The following KCNH7 variants were observed in gnomAD, a reference collection of about 807,000 sequenced individuals.
KCNH7 encodes voltage-gated inwardly rectifying potassium channel KCNH7.
KCNH7 carries 49 observed loss-of-function variants against 120.8 expected under a neutral mutation model. The observed-to-expected ratio is 0.41, with a 90% confidence interval of 0.32 to 0.51. KCNH7 has a LOEUF of 0.51. KCNH7 is among the 20% of genes least tolerant of loss of function. The pLI, the probability that KCNH7 is intolerant of heterozygous loss-of-function variation, is 0.38. For synonymous variants in KCNH7, 547 were observed against 516.1 expected, an observed-to-expected ratio of 1.06 and a Z score of -0.81; for missense variants, 1,097 against 1,446.6, an observed-to-expected ratio of 0.76 and a Z score of 3.92.
chr2:162,752,326 C>G (rs746547477), intron 2 of KCNH7, among the ~76,000 whole-genome samples: 1 of 152,132 alleles, frequency 6.6e-6, no homozygotes, highest in South Asian at 2.1e-4. Flanking sequence ...AGCTTTATAT[C>G]AACTACAATG....
intron 2 of KCNH7, among the ~76,000 whole-genome samples, chr2:162,614,207 T>C (rs767341188): frequency 2.4e-4 from 36 of 152,068 alleles, no homozygotes; most frequent in Non-Finnish European, 4.9e-4. Flanking sequence ...TACAAAACCA[T>C]AATTTTGCAA....
At chr2:162,583,548 G>A (rs891941305) in intron 2 of KCNH7, among the ~76,000 whole-genome samples, 2 of 151,900 alleles carry the variant, frequency 1.3e-5, no homozygotes, top group African/African-American at 4.8e-5. Context: ...TTTTAAACAA[G>A]CAAGGAAAAA....
chr2:162,609,083 T>G (rs942130851), intron 2 of KCNH7, among the ~76,000 whole-genome samples: 2 of 152,116 alleles, frequency 1.3e-5, no homozygotes, highest in Admixed American at 6.6e-5. Context: ...TTCACGCAGT[T>G]TTCAAGGTTT....
intron 2 of KCNH7, among the ~76,000 whole-genome samples, chr2:162,700,210 A>G (rs1031343408): frequency 1.3e-5 from 2 of 152,182 alleles, no homozygotes; most frequent in African/African-American, 4.8e-5. Flanking sequence ...GAGGGGGCAC[A>G]TAACCCCCCA....
At chr2:162,452,860 A>G (rs1688817053) in intron 6 of KCNH7, among the ~76,000 whole-genome samples, 1 of 152,054 alleles carries the variant, frequency 6.6e-6, no homozygotes, top group Non-Finnish European at 1.5e-5. Context: ...AAATATTTGC[A>G]TTACATATTT....
At chr2:162,733,518 T>G (rs1429742233) in intron 2 of KCNH7, among the ~76,000 whole-genome samples, 2 of 152,214 alleles carry the variant, frequency 1.3e-5, no homozygotes, top group Non-Finnish European at 2.9e-5. Context: ...AGATGGGGGA[T>G]GATCTTCTAG....
intron 6 of KCNH7, among the ~76,000 whole-genome samples, chr2:162,492,985 T>C (rs976563303): frequency 6.6e-5 from 10 of 151,098 alleles, no homozygotes; most frequent in African/African-American, 2.2e-4. Context: ...AGATAACTTC[T>C]GATGGCCTGG....
chr2:162,772,456 A>G (rs305690), intron 2 of KCNH7, among the ~76,000 whole-genome samples: 15,467 of 152,206 alleles, frequency 0.1, 939 homozygotes, highest in South Asian at 0.14. Flanking sequence ...CCCCATGACA[A>G]TAACTCTGTA....
chr2:162,647,583 C>T (rs906219185), intron 2 of KCNH7, among the ~76,000 whole-genome samples: 10 of 152,082 alleles, frequency 6.6e-5, no homozygotes, highest in Non-Finnish European at 4.4e-5. Flanking sequence ...ATACTGTTCT[C>T]GTGGTAGTAA....
chr2:162,787,447 G>A (rs1683753082), intron 2 of KCNH7, among the ~76,000 whole-genome samples: 1 of 152,076 alleles, frequency 6.6e-6, no homozygotes, highest in African/African-American at 2.4e-5. Flanking sequence ...CCCGGTGCCA[G>A]GCCAGCCTCT....
intron 2 of KCNH7, among the ~76,000 whole-genome samples, chr2:162,804,557 T>A (rs924923770): frequency 1.3e-5 from 2 of 151,960 alleles, no homozygotes; most frequent in African/African-American, 4.8e-5. Context: ...GAAAGATCTG[T>A]ACAAGTAGAA....
chr2:162,829,738 GT>G (rs1179633359), intron 2 of KCNH7, among the ~76,000 whole-genome samples: 1 of 150,002 alleles, frequency 6.7e-6, no homozygotes, highest in Non-Finnish European at 1.5e-5. Context: ...TAAAATTATG[GT>G]AAAAATTGTT....
chr2:162,625,486 G>A (rs905947908), intron 2 of KCNH7, among the ~76,000 whole-genome samples: 3 of 152,142 alleles, frequency 2.0e-5, no homozygotes, highest in Non-Finnish European at 4.4e-5. Flanking sequence ...AGACTAGCAG[G>A]GGAGGAAGCA....
intron 2 of KCNH7, among the ~76,000 whole-genome samples, chr2:162,685,951 G>C (rs897630611): frequency 6.6e-6 from 1 of 152,016 alleles, no homozygotes; most frequent in Non-Finnish European, 1.5e-5. Context: ...CAATAAAATA[G>C]ATATCTCACC....
chr2:162,699,547 G>T (rs1686414354), intron 2 of KCNH7, among the ~76,000 whole-genome samples: 2 of 152,066 alleles, frequency 1.3e-5, no homozygotes, highest in African/African-American at 2.4e-5. Context: ...TAAGTTCTGG[G>T]TTGCATGTGC....
intron 2 of KCNH7, among the ~76,000 whole-genome samples, chr2:162,781,478 T>G (rs1451508838): frequency 6.6e-6 from 1 of 152,052 alleles, no homozygotes; most frequent in Non-Finnish European, 1.5e-5. Context: ...TTATGCATAT[T>G]CTGATAATCT....
chr2:162,552,920 T>C (rs1179868440), intron 2 of KCNH7, among the ~76,000 whole-genome samples: 1 of 152,174 alleles, frequency 6.6e-6, no homozygotes, highest in African/African-American at 2.4e-5. Flanking sequence ...GATTTCAGCC[T>C]TGTAACACCC....
intron 2 of KCNH7, among the ~76,000 whole-genome samples, chr2:162,748,916 C>T (rs1031084979): frequency 3.5e-5 from 2 of 57,192 alleles, no homozygotes; most frequent in African/African-American, 4.4e-4. Context: ...CCTTCCTTCC[C>T]TTCCCTTTCC....
chr2:162,413,708 T>G (rs993978482), intron 9 of KCNH7, among the ~76,000 whole-genome samples: 4 of 151,950 alleles, frequency 2.6e-5, no homozygotes, highest in Admixed American at 2.6e-4. Context: ...TCCAAAAGTT[T>G]AGTAGGGCCT....
Sources: allele counts gnomAD v4.1 joint callset (sites outside exome capture counted in the v4.1 genomes callset), GRCh38; gene constraint gnomAD v4.1.1; transcripts MANE v1.5; gene names NCBI Gene and HGNC (gene_info 2026-07-23, HGNC 2026-07-21).